EIF2AK3: variants seen among roughly 807,000 people sequenced by gnomAD.
EIF2AK3 encodes eukaryotic translation initiation factor 2-alpha kinase 3.
In EIF2AK3, 50 loss-of-function variants were observed where a neutral mutation model predicts 113.5. The observed-to-expected ratio is 0.44, with a 90% CI of 0.35 to 0.56. The LOEUF (loss-of-function observed/expected upper bound fraction) is 0.56. Ranked by LOEUF, EIF2AK3 falls within the 20% of genes least tolerant of loss-of-function variation. The pLI is 0.00. For missense variants in EIF2AK3, 1,185 were observed against 1,378.0 expected (o/e 0.86, Z 2.22); for synonymous variants, 448 against 495.4 (o/e 0.90, Z 1.27).
rs548382157 is a variant in EIF2AK3 at position 88,595,131 on chromosome 2, G to C, written c.633+338C>G. Among the ~76,000 whole-genome samples, 53 of 150,484 alleles carry C rather than the reference G, an allele frequency of 3.5e-4. No individual in the cohort carries two copies. The East Asian group carries it at 6.5e-3, about 18-fold the overall frequency. ...TCGCTTGAACCCACTTGAACCTGAG[G>C]GGGTGTGGAATGGGGTGGGGGTGGG... On this transcript the variant is annotated intron_variant, in intron 3 of 16. Transcript: ENST00000303236.
At chr2:88,563,964 G>A (rs1340081936) in intron 14 of EIF2AK3, among the ~76,000 whole-genome samples, 3 of 151,982 alleles carry the variant, frequency 2.0e-5, no homozygotes, top group Non-Finnish European at 2.9e-5. Context: ...ATTCCCTAGA[G>A]GACAGATAGA....
intron 1 of EIF2AK3, 67 bp downstream of exon 1, chr2:88,626,900 C>T: frequency 6.3e-7 from 1 of 1,585,984 alleles, no homozygotes; most frequent in South Asian, 1.1e-5. Flanking sequence ...CTCCGCCCCC[C>T]TACACCGCAT....
intron 13 of EIF2AK3, among the ~76,000 whole-genome samples, 159 bp from the exon 14 acceptor site, chr2:88,571,200 T>C (rs1674299612): frequency 6.6e-6 from 1 of 152,238 alleles, no homozygotes; most frequent in Middle Eastern, 3.2e-3. Context: ...GTGACAATTT[T>C]TCTGTGCCAG....
intron 5 of EIF2AK3, 37 bp from the exon 6 acceptor site, chr2:88,590,642 A>G (rs1015207459): frequency 1.9e-6 from 3 of 1,605,156 alleles, no homozygotes; most frequent in Non-Finnish European, 2.6e-6. Context: ...AAATAATTCA[A>G]GCAGTAGTTA....
chr2:88,626,512 G>C (rs909799648), intron 1 of EIF2AK3, among the ~76,000 whole-genome samples: 1 of 152,180 alleles, frequency 6.6e-6, no homozygotes, highest in Non-Finnish European at 1.5e-5. Flanking sequence ...CTCAATCCTT[G>C]TCCGGGGGCA....
intron 13 of EIF2AK3, 130 bp downstream of exon 13, chr2:88,574,536 C>T: frequency 8.3e-7 from 1 of 1,202,312 alleles, no homozygotes; most frequent in Admixed American, 2.1e-5. Flanking sequence ...AGGCTACTTT[C>T]TCAGACCTCT....
chr2:88,573,110 C>CT (rs112158228), intron 13 of EIF2AK3, among the ~76,000 whole-genome samples: 21,263 of 128,196 alleles, frequency 0.17, 2,632 homozygotes, highest in African/African-American at 0.37. Flanking sequence ...AAAATCTTGG[C>CT]TTTTTTTTTT....
Position 88,560,428 on chromosome 2 carries a change from A to C in EIF2AK3, c.3088-1449T>G, listed in dbSNP as rs551393926. On this transcript the variant is annotated intron_variant, in intron 15 of 16. Coordinates refer to ENST00000303236, the MANE Select transcript of EIF2AK3 (RefSeq NM_004836.7). ...TTTCACTTTCTATTTCATTTAATTA[A>C]TTTATTTAGAGATAGGGTCTCATGG... Among the ~76,000 whole-genome samples, 3 of 152,150 alleles carry C rather than the reference A, an allele frequency of 2.0e-5. No individual in the cohort carries two copies. In the East Asian group the frequency reaches 5.8e-4, roughly 29 times the overall value.
At chr2:88,610,879 A>C (rs1675436560) in intron 2 of EIF2AK3, among the ~76,000 whole-genome samples, 1 of 151,370 alleles carries the variant, frequency 6.6e-6, no homozygotes, top group Non-Finnish European at 1.5e-5. Context: ...CAATATCGAG[A>C]CTCTGTCTCC....
intron 2 of EIF2AK3, among the ~76,000 whole-genome samples, chr2:88,600,077 G>C (rs1025816282): frequency 6.6e-6 from 1 of 152,150 alleles, no homozygotes; most frequent in Non-Finnish European, 1.5e-5. Flanking sequence ...ATTCAATAAT[G>C]AATCATCATG....
Position 88,557,766 on chromosome 2 carries a change from G to A in EIF2AK3, c.3321C>T (p.Asn1107=). 6.2e-7 allele frequency: 1 copy of A among 1,614,154 alleles called. No individual in the cohort carries two copies. The highest frequency in any genetic ancestry group is 8.5e-7 in the Non-Finnish European group (1 of 1,179,988). ...TGCTTGGCAAAGGGCTATGGGAGTT[G>A]TTGGACTGTCTTGAATGTTTTGTTC... ...SSGTKHSRQS[N]NSHSPLPSN The change falls in exon 17 of 17, where the codon AAC becomes AAT. Residue 1107 remains asparagine, a synonymous_variant. Coordinates refer to ENST00000303236, the MANE Select transcript of EIF2AK3 (RefSeq NM_004836.7).
At chr2:88,573,406 T>C (rs1674369985) in intron 13 of EIF2AK3, among the ~76,000 whole-genome samples, 1 of 152,176 alleles carries the variant, frequency 6.6e-6, no homozygotes, top group South Asian at 2.1e-4. Flanking sequence ...GTACAGCAAG[T>C]GTTAAGTACA....
chr2:88,583,134 A>G (rs551107823), intron 10 of EIF2AK3, among the ~76,000 whole-genome samples: 1 of 152,246 alleles, frequency 6.6e-6, no homozygotes, highest in African/African-American at 2.4e-5. Context: ...AAACCTAATT[A>G]TTATCTGGTA....
intron 15 of EIF2AK3, 149 bp from the exon 16 acceptor site, chr2:88,559,128 T>C: frequency 1.7e-6 from 1 of 594,248 alleles, no homozygotes; most frequent in Non-Finnish European, 3.0e-6. Context: ...TAACTACATA[T>C]GTTTCCTGAG....
Position 88,575,046 on chromosome 2 carries a change from A to C in EIF2AK3, c.2437T>G (p.Cys813Gly), listed in dbSNP as rs1244497174. The C allele has an allele frequency of 6.2e-7, 1 of 1,614,108 alleles. No individual in the cohort carries two copies. The highest frequency in any genetic ancestry group is 8.5e-7 in the Non-Finnish European group (1 of 1,180,044). ...TCTTCTTTACTGGAAGCATTATCACAGCCAGAATCTTCAAATACTATTGAA... is the reference window on the plus strand; with the variant it reads ...TCTTCTTTACTGGAAGCATTATCACCGCCAGAATCTTCAAATACTATTGAA... ...SSSIVFEDSGCDNASSKEEPK... is the reference protein window; with the variant it reads ...SSSIVFEDSGGDNASSKEEPK... The change falls in exon 13 of 17, where the codon TGT (cysteine) becomes GGT (glycine). Residue 813 changes from cysteine to glycine, a missense_variant. Physicochemically the swap from Cys to Gly is radical, Grantham distance 159. This residue lies in a region of EIF2AK3 where 877 missense variants were observed against 1,024.2 expected (regional missense o/e 0.86). Transcript: ENST00000303236.
At chr2:88,574,584 T>C (rs1375171718) in intron 13 of EIF2AK3, 82 bp downstream of exon 13, 1 of 1,521,784 alleles carries the variant, frequency 6.6e-7, no homozygotes, top group African/African-American at 1.4e-5. Context: ...CTCTTAAGGA[T>C]CCTTCAGAGT....
rs1673792782 is a variant in EIF2AK3 at position 88,556,911 on chromosome 2, T to C, written c.*825A>G. The C allele has an allele frequency of 1.3e-5, 2 of 152,174 alleles. No homozygotes were observed. Among genetic ancestry groups the C allele is most frequent in the South Asian group, 2.1e-4 (1 of 4,836 alleles). 9.4% of individuals were successfully genotyped at this position (152,174 alleles called of 1,614,324 possible). A position where few individuals can be genotyped will look rare whatever the true frequency, so the allele number is the denominator to read the frequency against. ...AATAAAAACATGTTAGCAAGTGAGA[T>C]GATTAAACTGTTACCTATAATCAGT... On this transcript the variant is annotated 3_prime_UTR_variant, in exon 17 of 17. Coordinates refer to ENST00000303236, the MANE Select transcript of EIF2AK3 (RefSeq NM_004836.7).
intron 14 of EIF2AK3, among the ~76,000 whole-genome samples, chr2:88,567,569 TA>T (rs1674170627): frequency 1.3e-5 from 2 of 152,234 alleles, no homozygotes; most frequent in South Asian, 4.1e-4. Flanking sequence ...TTACTAGGAA[TA>T]CATTTTGGAT....
chr2:88,624,117 G>A (rs1327471635), intron 1 of EIF2AK3, among the ~76,000 whole-genome samples: 4 of 151,884 alleles, frequency 2.6e-5, no homozygotes, highest in African/African-American at 9.7e-5. Context: ...TCAGCCTCCC[G>A]AGTAGCTCGG....
Sources: allele counts gnomAD v4.1 joint callset (sites outside exome capture counted in the v4.1 genomes callset), GRCh38; gene constraint gnomAD v4.1.1; regional missense constraint gnomAD v4.1.1; transcripts MANE v1.5; gene names NCBI Gene and HGNC (gene_info 2026-07-23, HGNC 2026-07-21).